NUDT17: variants seen among roughly 807,000 people sequenced by gnomAD.
The protein encoded by NUDT17 is nudix hydrolase 17, also known as m7GpppN-mRNA hydrolase NUDT17.
In NUDT17, 38 loss-of-function variants were observed where a neutral mutation model predicts 38.6. The ratio of observed to expected loss-of-function variants is 0.98; its 90% confidence interval spans 0.76 to 1.29. NUDT17 has a LOEUF of 1.29. Ranked by LOEUF, NUDT17 falls within the 50% of genes most tolerant of loss-of-function variation. The pLI, the probability that NUDT17 is intolerant of heterozygous loss-of-function variation, is 0.00. For missense variants in NUDT17, 462 were observed against 415.2 expected, an observed-to-expected ratio of 1.11 and a Z score of -0.98; for synonymous variants, 192 against 167.8, an observed-to-expected ratio of 1.14 and a Z score of -1.11.
chr1:145,846,346 C>T (rs1287579036), intron 2 of NUDT17, 87 bp from the exon 3 acceptor site: 6 of 1,520,500 alleles, frequency 3.9e-6, no homozygotes, highest in Non-Finnish European at 4.6e-6. Context: ...TCTGTGTCCA[C>T]TGGAGGGGAG....
In NUDT17 at chr1:145,845,662, C is replaced by G. The variant is rs1263461117; in HGVS notation, c.22C>G (p.Leu8Val). Residue 8 changes from leucine (L) to valine (V), a missense_variant, in exon 1 of 8, where the codon CTG (leucine) becomes GTG (valine). Leu to Val is a conservative substitution (Grantham distance 32). Coordinates refer to ENST00000334513, the MANE Select transcript of NUDT17 (RefSeq NM_001012758.3). ...CGTTATGGCCGAGGTGCGGGTGCAG[C>G]TGCTCCTGTCCCGGCGTCCGGAGTC... MAEVRVQ[L>V]LLSRRPESVS... 1.3e-6 allele frequency: 2 copies of G among 1,529,334 alleles called. No homozygotes were observed. Among genetic ancestry groups the G allele is most frequent in the South Asian group, 2.4e-5 (2 of 83,430 alleles). 94.7% of individuals were successfully genotyped at this position (1,529,334 alleles called of 1,614,324 possible).
Position 145,848,706 on chromosome 1 carries a change from C to T in NUDT17, c.*227C>T. The T allele has an allele frequency of 2.0e-6, 1 of 501,182 alleles. No individual in the cohort carries two copies. The highest frequency in any genetic ancestry group is 3.5e-6 in the Non-Finnish European group (1 of 284,016). The allele number at this position is 501,182 out of a possible 1,614,324, so 31.0% of individuals were successfully genotyped here. ...CCAGGCCTAACTACAGGGCCATGAG[C>T]CTCTAGAAGCTTAGGGGGGAATAAG... On this transcript the variant is annotated 3_prime_UTR_variant, in exon 8 of 8. Transcript: ENST00000334513.
chr1:145,847,404 T>G, intron 5 of NUDT17, 56 bp downstream of exon 5: 1 of 1,438,654 alleles, frequency 7.0e-7, no homozygotes. Context: ...AGCAACCTGG[T>G]TCTGACTGTG....
rs782249029 is a variant in NUDT17 at position 145,847,234 on chromosome 1, T to A, written c.496-16T>A. The stretch of plus-strand genomic sequence containing the variant: ...AGTGACGGAAAGTTCTCACTTTTGC[T>A]GTTTTCTTTTCCTAGTCTGCCTACC... On this transcript the variant is annotated splice_polypyrimidine_tract_variant and intron_variant, in intron 4 of 7. Transcript: ENST00000334513. 7.6e-6 allele frequency: 11 copies of A among 1,441,064 alleles called. No homozygotes were observed. The South Asian group carries it at 9.9e-5, about 13-fold the overall frequency. The allele number at this position is 1,441,064 out of a possible 1,614,324, so 89.3% of individuals were successfully genotyped here.
Position 145,846,142 on chromosome 1 carries a change from C to T in NUDT17, c.322C>T (p.Leu108=), listed in dbSNP as rs1652654599. The part of the protein sequence containing the change: ...ILQSSDKTVL[L]TRRARTLSVS... ...GCAGTCCAGCGACAAGACTGTCTTG[C>T]TAACCCGAAGGGCACGCACCCTGAG... The change falls in exon 2 of 8, where the codon CTA becomes TTA. Residue 108 remains leucine, a synonymous_variant. Transcript: ENST00000334513. 1.3e-6 allele frequency: 2 copies of T among 1,598,836 alleles called. No individual in the cohort carries two copies. Among genetic ancestry groups the T allele is most frequent in the East Asian group, 2.3e-5 (1 of 44,200 alleles).
intron 1 of NUDT17, 25 bp downstream of exon 1, chr1:145,845,857 G>A (rs1438604314): frequency 1.9e-6 from 3 of 1,563,612 alleles, no homozygotes; most frequent in Admixed American, 1.9e-5. Context: ...GCCCCAGAGC[G>A]GGGGCAGTGA....
At position 145,848,112 on chromosome 1, in the gene NUDT17, T is replaced by C; in HGVS notation, c.732T>C (p.Leu244=). The stretch of plus-strand genomic sequence containing the variant: ...CCCAACAGGAGTTGTCACCATGCAG[T>C]GCAGTGGAACTAGAGGAGGATGGAA... The part of the protein sequence containing the change: ...LLPQDLPPSV[L]AVELEEDGRA... The change falls in exon 7 of 8, where the codon CTT becomes CTC. Residue 244 remains leucine (L), a splice_region_variant and synonymous_variant. Coordinates refer to ENST00000334513, the MANE Select transcript of NUDT17 (RefSeq NM_001012758.3). 6.2e-7 allele frequency: 1 copy of C among 1,613,432 alleles called. No individual in the cohort carries two copies. Among genetic ancestry groups the C allele is most frequent in the Non-Finnish European group, 8.5e-7 (1 of 1,179,996 alleles).
At position 145,848,175 on chromosome 1, in the gene NUDT17, G is replaced by A; in HGVS notation, c.795G>A (p.Leu265=). 6.2e-7 allele frequency: 1 copy of A among 1,614,218 alleles called. No homozygotes were observed. Among genetic ancestry groups the A allele is most frequent in the Non-Finnish European group, 8.5e-7 (1 of 1,180,022 alleles). The change falls in exon 7 of 8, where the codon CTG becomes CTA. Residue 265 remains leucine, a synonymous_variant. Coordinates refer to ENST00000334513, the MANE Select transcript of NUDT17 (RefSeq NM_001012758.3). Reference sequence around the variant, plus strand: ...TGGTCCTGCACATGTCCACCCTCCTGCGGATGATCCCAACCATGGCAGAGG... The same window carrying A: ...TGGTCCTGCACATGTCCACCCTCCTACGGATGATCCCAACCATGGCAGAGG... ...RPLVLHMSTL[L]RMIPTMAEDK...
At position 145,847,323 on chromosome 1, in the gene NUDT17, C is replaced by A; in HGVS notation, c.569C>A (p.Ser190Tyr). The part of the protein sequence containing the change: ...HHIVLYLLVI[S>Y]QESQQQLQAR... ...ATTGTTCTGTATCTACTCGTGATCT[C>A]CCAGGAATCACAGCAGCAGTTGCAG... Residue 190 changes from serine (S) to tyrosine (Y), a missense_variant, in exon 5 of 8, where the codon TCC becomes TAC. By Grantham distance (144) the Ser-to-Tyr change is moderately radical (BLOSUM62 -2). Transcript: ENST00000334513. The A allele has an allele frequency of 6.2e-7, 1 of 1,611,258 alleles. No homozygotes were observed.
rs1553732345 is a variant in NUDT17 at position 145,846,090 on chromosome 1, T to C, written c.270T>C (p.Gly90=). 1 of 1,604,276 alleles carries C rather than the reference T, an allele frequency of 6.2e-7. No individual in the cohort carries two copies. Among genetic ancestry groups the C allele is most frequent in the Non-Finnish European group, 8.5e-7 (1 of 1,176,110 alleles). The change falls in exon 2 of 8, where the codon GGT becomes GGC. Residue 90 remains glycine (G), a synonymous_variant. Transcript: ENST00000334513. ...GGGCTGAGCTGCCCACAGATCGAGG[T>C]GTGGACCTGGGTGTGGCCGTCATTC... ...VPGAELPTDR[G]VDLGVAVILQ...
At chr1:145,846,911 G>A (rs1209011723) in intron 4 of NUDT17, among the ~76,000 whole-genome samples, 1 of 152,220 alleles carries the variant, frequency 6.6e-6, no homozygotes, top group African/African-American at 2.4e-5. Flanking sequence ...GACACAAAGG[G>A]CCGGGTGCGG....
chr1:145,848,483 G>C lies in NUDT17; in HGVS notation c.*4G>C. Reference sequence around the variant, plus strand: ...AAACCAGGGGTCTGGAAAGTGAAGTGTAAAATCCCCTCCCTAGCCCATCTC... The same window carrying C: ...AAACCAGGGGTCTGGAAAGTGAAGTCTAAAATCCCCTCCCTAGCCCATCTC... On this transcript the variant is annotated 3_prime_UTR_variant, in exon 8 of 8. Transcript: ENST00000334513. 1 of 1,599,098 alleles carries C rather than the reference G, an allele frequency of 6.3e-7. No individual in the cohort carries two copies. Among genetic ancestry groups the C allele is most frequent in the Non-Finnish European group, 8.6e-7 (1 of 1,167,096 alleles).
intron 4 of NUDT17, 34 bp downstream of exon 4, chr1:145,846,724 GATCAGCCCCTACC>G: frequency 7.0e-7 from 1 of 1,425,994 alleles, no homozygotes; most frequent in Non-Finnish European, 9.9e-7. Context: ...CTCCTCCATA[GATCAGCCCCTACC>G]TGCCTTGGCT....
Position 145,848,859 on chromosome 1 carries a change from G to C in NUDT17, c.*380G>C, listed in dbSNP as rs189062109. On this transcript the variant is annotated 3_prime_UTR_variant, in exon 8 of 8. Transcript: ENST00000334513. ...TCTGTCATACTGGAGTAGGAGGCAG[G>C]GGAAGTCATCTTTGGAGTATTTTGG... 8.4e-5 allele frequency: 15 copies of C among 179,022 alleles called. No individual in the cohort carries two copies. The East Asian group carries it at 2.1e-3, about 25-fold the overall frequency. The allele number at this position is 179,022 out of a possible 1,614,324, so 11.1% of individuals were successfully genotyped here.
chr1:145,847,238 T>C lies in NUDT17; in HGVS notation c.496-12T>C, dbSNP rs1331461232. The stretch of plus-strand genomic sequence containing the variant: ...ACGGAAAGTTCTCACTTTTGCTGTT[T>C]TCTTTTCCTAGTCTGCCTACCCTCC... On this transcript the variant is annotated splice_polypyrimidine_tract_variant and intron_variant, in intron 4 of 7. Coordinates refer to ENST00000334513, the MANE Select transcript of NUDT17 (RefSeq NM_001012758.3). 3.3e-6 allele frequency: 5 copies of C among 1,526,916 alleles called. No homozygotes were observed. Among genetic ancestry groups the C allele is most frequent in the Non-Finnish European group, 3.6e-6 (4 of 1,118,954 alleles). The allele number at this position is 1,526,916 out of a possible 1,614,324, so 94.6% of individuals were successfully genotyped here. A position where few individuals can be genotyped will look rare whatever the true frequency, so the allele number is the denominator to read the frequency against.
Position 145,846,103 on chromosome 1 carries a change from G to C in NUDT17, c.283G>C (p.Val95Leu). The C allele has an allele frequency of 1.2e-6, 2 of 1,603,250 alleles. No homozygotes were observed. The highest frequency in any genetic ancestry group is 1.7e-6 in the Non-Finnish European group (2 of 1,175,430). The part of the protein sequence containing the change: ...LPTDRGVDLG[V>L]AVILQSSDKT... ...CACAGATCGAGGTGTGGACCTGGGTGTGGCCGTCATTCTGCAGTCCAGCGA... is the reference window on the plus strand; with the variant it reads ...CACAGATCGAGGTGTGGACCTGGGTCTGGCCGTCATTCTGCAGTCCAGCGA... The change falls in exon 2 of 8, where the codon GTG (valine) becomes CTG (leucine). Residue 95 changes from valine to leucine, a missense_variant. Physicochemically the swap from Val to Leu is conservative, Grantham distance 32 (BLOSUM62 1). Transcript: ENST00000334513.
At chr1:145,847,447 C>A in intron 5 of NUDT17, 99 bp downstream of exon 5, 2 of 1,403,002 alleles carry the variant, frequency 1.4e-6, no homozygotes, top group South Asian at 1.2e-5. Flanking sequence ...CGGGGGTAGT[C>A]AGAGATAACG....
In NUDT17 at chr1:145,845,821, C is replaced by T. The variant is rs782514095; in HGVS notation, c.181C>T (p.Leu61Phe). 2 of 1,595,666 alleles carry T rather than the reference C, an allele frequency of 1.3e-6. No homozygotes were observed. The highest frequency in any genetic ancestry group is 1.3e-5 in the African/African-American group (1 of 74,678). The change falls in exon 1 of 8, where the codon CTT becomes TTT. Residue 61 changes from leucine to phenylalanine, a missense_variant. Physicochemically the swap from Leu to Phe is conservative, Grantham distance 22. Transcript: ENST00000334513. Reference protein sequence around the residue: ...SRPFPGASARLPLQRPPFCPF... With the variant: ...SRPFPGASARFPLQRPPFCPF... ...GCCCTTCCCAGGCGCCTCCGCTAGG[C>T]TTCCGCTCCAGGTCGGCAGAAGGGG...
rs1553732793 is a variant in NUDT17, at chr1:145,847,298, A to G, written c.544A>G (p.Ile182Val). The change falls in exon 5 of 8, where the codon ATT becomes GTT. Residue 182 changes from isoleucine (I) to valine (V), a missense_variant. Transcript: ENST00000334513. The stretch of plus-strand genomic sequence containing the variant: ...CTGGGGTTTACCCAAATACCATCAC[A>G]TTGTTCTGTATCTACTCGTGATCTC... ...LSWGLPKYHH[I>V]VLYLLVISQE... 1.8e-5 allele frequency: 29 copies of G among 1,611,352 alleles called. No individual in the cohort carries two copies. Among genetic ancestry groups the G allele is most frequent in the Middle Eastern group, 1.7e-4 (1 of 6,056 alleles).
Sources: allele counts gnomAD v4.1 joint callset (sites outside exome capture counted in the v4.1 genomes callset), GRCh38; gene constraint gnomAD v4.1.1; transcripts MANE v1.5; gene names NCBI Gene and HGNC (gene_info 2026-07-23, HGNC 2026-07-21).